Variants in EIF4EBP1 observed in about 807,000 individuals in gnomAD.
EIF4EBP1 encodes the protein eukaryotic translation initiation factor 4E binding protein 1, also known as eukaryotic translation initiation factor 4E-binding protein 1.
EIF4EBP1 carries 5 observed loss-of-function variants against 9.2 expected under a neutral mutation model. The ratio of observed to expected loss-of-function variants is 0.54; its 90% CI spans 0.28 to 1.14. The LOEUF is 1.14. Among genes scored for constraint, EIF4EBP1 ranks in the 50% most tolerant of loss-of-function variants. The pLI, the probability that EIF4EBP1 is intolerant of heterozygous loss-of-function variation, is 0.09. For synonymous variants in EIF4EBP1, 62 were observed against 67.0 expected (o/e 0.93, Z 0.36); for missense variants, 139 against 169.6 (o/e 0.82, Z 1.00).
Position 38,058,061 on chromosome 8 carries a change from C to T in EIF4EBP1, c.325+801C>T, listed in dbSNP as rs927725919. Among the ~76,000 whole-genome samples the T allele has an allele frequency of 3.9e-5, 6 of 152,186 alleles. 1 individual carries two copies. The South Asian group carries it at 8.3e-4, about 21-fold the overall frequency. On this transcript the variant is annotated intron_variant, in intron 2 of 2. Transcript: ENST00000338825. ...ACCTCAGCTTGGCTGGCTCTGCTAACAGCAGCAGAATTAATCTCCCCAGGG... is the reference window on the plus strand; with the variant it reads ...ACCTCAGCTTGGCTGGCTCTGCTAATAGCAGCAGAATTAATCTCCCCAGGG...
chr8:38,051,318 G>A (rs1246789858), intron 1 of EIF4EBP1, among the ~76,000 whole-genome samples: 3 of 152,162 alleles, frequency 2.0e-5, no homozygotes, highest in Non-Finnish European at 2.9e-5. Flanking sequence ...GTCTTTACCT[G>A]TTGTGATTTG....
chr8:38,032,967 G>A (rs528901840), intron 1 of EIF4EBP1, among the ~76,000 whole-genome samples: 24 of 151,782 alleles, frequency 1.6e-4, no homozygotes, highest in Non-Finnish European at 2.9e-4. Context: ...TCTTCCAGGT[G>A]CTTGAGGATA....
chr8:38,042,174 C>G (rs775508607), intron 1 of EIF4EBP1, among the ~76,000 whole-genome samples: 2 of 152,136 alleles, frequency 1.3e-5, no homozygotes, highest in Non-Finnish European at 2.9e-5. Flanking sequence ...CCTGCCCTGC[C>G]CTACCCAGCA....
chr8:38,054,492 G>C (rs1214484758), intron 1 of EIF4EBP1, among the ~76,000 whole-genome samples: 2 of 151,978 alleles, frequency 1.3e-5, no homozygotes, highest in South Asian at 2.1e-4. Flanking sequence ...GAAACAAGAA[G>C]GGGGGCACTC....
intron 1 of EIF4EBP1, among the ~76,000 whole-genome samples, chr8:38,042,617 G>A (rs1368016810): frequency 1.3e-5 from 2 of 152,160 alleles, no homozygotes; most frequent in Non-Finnish European, 1.5e-5. Context: ...GCCTTCCTCT[G>A]TCTGCATCCA....
At chr8:38,043,994 G>A (rs905439020) in intron 1 of EIF4EBP1, among the ~76,000 whole-genome samples, 9 of 152,076 alleles carry the variant, frequency 5.9e-5, no homozygotes, top group Non-Finnish European at 1.3e-4. Flanking sequence ...GCATGTCGGC[G>A]TATTTACCTC....
At chr8:38,037,433 C>A (rs190233180) in intron 1 of EIF4EBP1, among the ~76,000 whole-genome samples, 187 of 152,174 alleles carry the variant, frequency 1.2e-3, no homozygotes, top group Middle Eastern at 0.01. Flanking sequence ...TCTCCTGCCT[C>A]GCCTCCTGAG....
Position 38,030,687 on chromosome 8 carries a change from C to T in EIF4EBP1, c.114C>T (p.Pro38=). 1.4e-6 allele frequency: 2 copies of T among 1,477,882 alleles called. No individual in the cohort carries two copies. Among genetic ancestry groups the T allele is most frequent in the Admixed American group, 2.2e-5 (1 of 44,488 alleles). 91.5% of individuals were successfully genotyped at this position (1,477,882 alleles called of 1,614,324 possible). A position where few individuals can be genotyped will look rare whatever the true frequency, so the allele number is the denominator to read the frequency against. ...CGCCCGGGGACTACAGCACGACCCC[C>T]GGCGGCACGCTCTTCAGCACCACCC... The part of the protein sequence containing the change: ...QLPPGDYSTT[P]GGTLFSTTPG... The change falls in exon 1 of 3, where the codon CCC becomes CCT. Residue 38 remains proline (P), a synonymous_variant. Coordinates refer to ENST00000338825, the MANE Select transcript of EIF4EBP1 (RefSeq NM_004095.4).
chr8:38,059,258 G>A (rs1809636776), intron 2 of EIF4EBP1, among the ~76,000 whole-genome samples: 1 of 152,168 alleles, frequency 6.6e-6, no homozygotes, highest in South Asian at 2.1e-4. Flanking sequence ...TCATGATAGT[G>A]AATGAGTTCT....
chr8:38,043,143 C>A (rs1408548060), intron 1 of EIF4EBP1, among the ~76,000 whole-genome samples: 2 of 152,124 alleles, frequency 1.3e-5, no homozygotes, highest in Non-Finnish European at 2.9e-5. Flanking sequence ...CCCTTTCCAA[C>A]TGGGACAGCA....
At chr8:38,030,864 G>A in intron 1 of EIF4EBP1, 146 bp downstream of exon 1, 18 of 1,209,832 alleles carry the variant, frequency 1.5e-5, no homozygotes, top group Non-Finnish European at 1.9e-5. Flanking sequence ...CGAGGGTCAT[G>A]GAAGTGGCCG....
At chr8:38,056,401 G>C (rs1312961212) in intron 1 of EIF4EBP1, among the ~76,000 whole-genome samples, 1 of 152,218 alleles carries the variant, frequency 6.6e-6, no homozygotes, top group Non-Finnish European at 1.5e-5. Flanking sequence ...GGACAGGACT[G>C]AATAATGACT....
intron 1 of EIF4EBP1, among the ~76,000 whole-genome samples, chr8:38,052,391 G>A (rs1389469801): frequency 6.9e-6 from 1 of 145,128 alleles, no homozygotes; most frequent in Non-Finnish European, 1.5e-5. Context: ...CTCCCGCGTA[G>A]CTAGGACTCC....
chr8:38,045,912 T>G (rs373775055), intron 1 of EIF4EBP1, among the ~76,000 whole-genome samples: 67 of 152,024 alleles, frequency 4.4e-4, no homozygotes, highest in South Asian at 3.7e-3. Flanking sequence ...CTAATTTTTT[T>G]TTTGTTTGTT....
chr8:38,035,384 ATT>A (rs1809285324), intron 1 of EIF4EBP1, among the ~76,000 whole-genome samples: 1 of 149,238 alleles, frequency 6.7e-6, no homozygotes, highest in Admixed American at 6.7e-5. Context: ...CACCCGGCTA[ATT>A]TTTGTATTTT....
Position 38,037,632 on chromosome 8 carries a change from A to AGG in EIF4EBP1, c.145+6914_145+6915insGG, listed in dbSNP as rs535995692. Among the ~76,000 whole-genome samples, 59 of 151,998 alleles carry AGG rather than the reference A, an allele frequency of 3.9e-4. No homozygotes were observed. In the South Asian group the frequency reaches 0.012, roughly 31 times the overall value. On this transcript the variant is annotated intron_variant, in intron 1 of 2. Transcript: ENST00000338825. Reference sequence around the variant, plus strand: ...CTGGTCAGGATAACCTAGTTTTCTTACTGTCAGGCCTGAGTCTCCGCTGGC... The same window carrying AGG: ...CTGGTCAGGATAACCTAGTTTTCTTAGGCTGTCAGGCCTGAGTCTCCGCTGGC...
At chr8:38,051,963 T>A (rs1311284675) in intron 1 of EIF4EBP1, among the ~76,000 whole-genome samples, 2 of 152,166 alleles carry the variant, frequency 1.3e-5, no homozygotes, top group Non-Finnish European at 2.9e-5. Context: ...CAGCCTCAAG[T>A]GATCCTCCAA....
Position 38,059,466 on chromosome 8 carries a change from T to G in EIF4EBP1, c.326-438T>G, listed in dbSNP as rs1341361688. The stretch of plus-strand genomic sequence containing the variant: ...AACCGCGAGCCAGTTAAACCTCTTT[T>G]CTTGGCTGGGCACGGTGGCTCGCAC... On this transcript the variant is annotated intron_variant, in intron 2 of 2. Transcript: ENST00000338825. Among the ~76,000 whole-genome samples the G allele has an allele frequency of 4.6e-5, 7 of 152,086 alleles. No homozygotes were observed. The East Asian group carries it at 7.8e-4, about 17-fold the overall frequency.
In EIF4EBP1 at chr8:38,030,649, G is replaced by T. The variant is rs968128057; in HGVS notation, c.76G>T (p.Gly26Cys). 2.0e-6 allele frequency: 3 copies of T among 1,509,178 alleles called. No individual in the cohort carries two copies. The East Asian group carries it at 8.1e-5, about 41-fold the overall frequency. 93.5% of individuals were successfully genotyped at this position (1,509,178 alleles called of 1,614,324 possible). ...PATRRVVLGD[G>C]VQLPPGDYST... The stretch of plus-strand genomic sequence containing the variant: ...CACTCGCCGGGTGGTGCTCGGCGAC[G>T]GCGTGCAGCTCCCGCCCGGGGACTA... Residue 26 changes from glycine to cysteine, a missense_variant, in exon 1 of 3, where the codon GGC becomes TGC. Gly to Cys is a radical substitution (Grantham distance 159). Transcript: ENST00000338825.
Sources: gnomAD v4.1 joint callset for allele counts (sites outside exome capture counted in the v4.1 genomes callset) on GRCh38, gnomAD v4.1.1 for gene constraint, MANE v1.5 for transcripts, NCBI Gene and HGNC (gene_info 2026-07-23, HGNC 2026-07-21) for gene names.